Variants in NEDD4L observed in about 807,000 individuals in gnomAD.
NEDD4L encodes E3 ubiquitin-protein ligase NEDD4-like.
In NEDD4L, 54 loss-of-function variants were observed where a neutral mutation model predicts 148.9. The ratio of observed to expected loss-of-function variants is 0.36; its 90% confidence interval spans 0.29 to 0.45. NEDD4L has a LOEUF of 0.45. Ranked by LOEUF, NEDD4L falls within the 20% of genes least tolerant of loss-of-function variation. NEDD4L has a pLI of 1.00. For synonymous variants in NEDD4L, 433 were observed against 440.7 expected, an observed-to-expected ratio of 0.98 and a Z score of 0.22; for missense variants, 856 against 1,233.8, an observed-to-expected ratio of 0.69 and a Z score of 4.59.
At chr18:58,343,175 G>A in intron 16 of NEDD4L, 72 bp downstream of exon 16, 1 of 1,228,570 alleles carries the variant, frequency 8.1e-7, no homozygotes, top group Non-Finnish European at 1.1e-6. Context: ...TTTCCTTAGT[G>A]TTTGTAGTTC....
intron 1 of NEDD4L, among the ~76,000 whole-genome samples, chr18:58,096,744 A>G (rs1056060923): frequency 5.3e-5 from 8 of 152,146 alleles, no homozygotes; most frequent in African/African-American, 1.7e-4. Context: ...TTAAAAAAGA[A>G]CATCAGTAAG....
At chr18:58,193,543 A>G (rs2040343770) in intron 2 of NEDD4L, among the ~76,000 whole-genome samples, 1 of 152,212 alleles carries the variant, frequency 6.6e-6, no homozygotes, top group Non-Finnish European at 1.5e-5. Flanking sequence ...AGAGTATCCA[A>G]CTTACACACA....
chr18:58,201,104 G>C (rs1192133745), intron 2 of NEDD4L, among the ~76,000 whole-genome samples: 1 of 152,154 alleles, frequency 6.6e-6, no homozygotes, highest in African/African-American at 2.4e-5. Context: ...AGGCCAAGGC[G>C]GGCAGATCAC....
At chr18:58,279,120 G>A (rs536996274) in intron 5 of NEDD4L, among the ~76,000 whole-genome samples, 3 of 151,734 alleles carry the variant, frequency 2.0e-5, no homozygotes, top group Non-Finnish European at 4.4e-5. Flanking sequence ...CAAGTGATCC[G>A]CCCACCTTGG....
intron 1 of NEDD4L, chr18:58,045,902 C>G (rs1183793260): frequency 6.6e-6 from 1 of 152,278 alleles, no homozygotes; most frequent in South Asian, 2.1e-4. Flanking sequence ...CCCTCTTTCT[C>G]TCGTGTTGGG....
At chr18:58,097,253 G>A (rs1381941729) in intron 1 of NEDD4L, among the ~76,000 whole-genome samples, 1 of 152,222 alleles carries the variant, frequency 6.6e-6, no homozygotes, top group Non-Finnish European at 1.5e-5. Context: ...TCCATGCCAA[G>A]TGCTGTTAAG....
chr18:58,086,718 A>G (rs1382477283), intron 1 of NEDD4L, among the ~76,000 whole-genome samples: 1 of 152,224 alleles, frequency 6.6e-6, no homozygotes, highest in African/African-American at 2.4e-5. Flanking sequence ...TTAGAGGAAT[A>G]ATCTTGAAAT....
In NEDD4L at chr18:58,256,215, T is replaced by C; in HGVS notation, c.297+4161T>C. 1 of 1,223,272 alleles carries C rather than the reference T, an allele frequency of 8.2e-7. No homozygotes were observed. Among genetic ancestry groups the C allele is most frequent in the Non-Finnish European group, 1.0e-6 (1 of 982,570 alleles). The allele number at this position is 1,223,272 out of a possible 1,614,324, so 75.8% of individuals were successfully genotyped here. ...GAGGAGGCTGCCCCGGGCCTGCGCA[T>C]CCAGCACCGCGCCTCCAGCGCCGAC... On this transcript the variant is annotated intron_variant, in intron 5 of 30. Transcript: ENST00000400345. The surrounding 1 kb of genome is among the most constrained non-coding windows in gnomAD (Gnocchi z 5.2).
chr18:58,278,704 C>T (rs1479869176), intron 5 of NEDD4L, among the ~76,000 whole-genome samples: 2 of 152,108 alleles, frequency 1.3e-5, no homozygotes, highest in African/African-American at 2.4e-5. Flanking sequence ...GCCTTCAGCC[C>T]CCTCACTCTG....
chr18:58,165,642 G>A, intron 1 of NEDD4L, 146 bp from the exon 2 acceptor site: 2 of 1,523,552 alleles, frequency 1.3e-6, no homozygotes, highest in Non-Finnish European at 1.8e-6. Flanking sequence ...GAACTTCAGT[G>A]TAAGGAAGAA....
chr18:58,378,367 C>G (rs1387722649), intron 24 of NEDD4L, among the ~76,000 whole-genome samples: 1 of 152,130 alleles, frequency 6.6e-6, no homozygotes, highest in Non-Finnish European at 1.5e-5. Flanking sequence ...TAGAGAAACA[C>G]TTGGGGGAAG....
At chr18:58,168,858 C>G (rs760256204) in intron 2 of NEDD4L, among the ~76,000 whole-genome samples, 26 of 152,148 alleles carry the variant, frequency 1.7e-4, no homozygotes, top group Non-Finnish European at 3.8e-4. Context: ...ACTCCAACTC[C>G]TTTGTTTCCA....
intron 1 of NEDD4L, among the ~76,000 whole-genome samples, chr18:58,126,441 C>T (rs1051578358): frequency 2.0e-5 from 3 of 151,842 alleles, no homozygotes; most frequent in African/African-American, 2.4e-5. Flanking sequence ...CGGCCCATCC[C>T]GTGTGATAGC....
chr18:58,287,258 A>C (rs977102179), intron 5 of NEDD4L, among the ~76,000 whole-genome samples: 15 of 152,200 alleles, frequency 9.9e-5, no homozygotes, highest in African/African-American at 3.6e-4. Flanking sequence ...ATTTCTGTTT[A>C]CCTACTGCCA....
At chr18:58,062,010 C>G (rs2082357487) in intron 1 of NEDD4L, among the ~76,000 whole-genome samples, 1 of 152,132 alleles carries the variant, frequency 6.6e-6, no homozygotes. Flanking sequence ...GGTATTAGAG[C>G]TCTAGGGACA....
chr18:58,265,566 TG>T (rs1176253422), intron 5 of NEDD4L, among the ~76,000 whole-genome samples: 1 of 152,044 alleles, frequency 6.6e-6, no homozygotes, highest in African/African-American at 2.4e-5. Context: ...AGCTTTCTTT[TG>T]GGGAATTGAG....
intron 1 of NEDD4L, among the ~76,000 whole-genome samples, chr18:58,089,387 A>G (rs532446001): frequency 6.8e-4 from 104 of 152,198 alleles, no homozygotes; most frequent in Non-Finnish European, 1.8e-4. Flanking sequence ...CACCTGCCTC[A>G]GACTTCCAAA....
At chr18:58,151,726 T>C (rs2034792888) in intron 1 of NEDD4L, among the ~76,000 whole-genome samples, 1 of 151,332 alleles carries the variant, frequency 6.6e-6, no homozygotes, top group Non-Finnish European at 1.5e-5. Context: ...CTTAATTGAC[T>C]GAATTTGGAA....
rs905674441 is a variant in NEDD4L at position 58,267,887 on chromosome 18, A to C, written c.297+15833A>C. 4.6e-5 allele frequency among the ~76,000 whole-genome samples: 7 copies of C among 151,922 alleles called. No homozygotes were observed. The South Asian group carries it at 1.2e-3, about 27-fold the overall frequency. ...ATAGCTCATTTATCCTGCAAGCTTC[A>C]CCCCCATAGAGAGGCAGGCCCTTCA... On this transcript the variant is annotated intron_variant, in intron 5 of 30. Transcript: ENST00000400345.
Sources: allele counts gnomAD v4.1 joint callset (sites outside exome capture counted in the v4.1 genomes callset), GRCh38; gene constraint gnomAD v4.1.1; non-coding constraint Gnocchi (gnomAD v3.1); transcripts MANE v1.5; gene names NCBI Gene and HGNC (gene_info 2026-07-23, HGNC 2026-07-21).